Variants in GSK3B observed in about 807,000 individuals in gnomAD.
The protein encoded by GSK3B is glycogen synthase kinase-3 beta.
GSK3B carries 15 observed loss-of-function variants against 56.4 expected under a neutral mutation model. That is an observed-to-expected ratio of 0.27 (90% CI 0.18 to 0.41). The LOEUF is 0.41. Ranked by LOEUF, GSK3B falls within the 10% of genes least tolerant of loss-of-function variation. The probability of loss-of-function intolerance (pLI) is 1.00; values close to 1 mark genes in which losing one functional copy is unlikely to be tolerated. For synonymous variants in GSK3B, 181 were observed against 188.9 expected, an observed-to-expected ratio of 0.96 and a Z score of 0.34; for missense variants, 300 against 513.4, an observed-to-expected ratio of 0.58 and a Z score of 4.02.
At chr3:119,984,622 A>G (rs1677446667) in intron 2 of GSK3B, among the ~76,000 whole-genome samples, 1 of 152,170 alleles carries the variant, frequency 6.6e-6, no homozygotes, top group Non-Finnish European at 1.5e-5. Context: ...AAGAAGAAAC[A>G]GATAAATTCC....
chr3:119,958,829 G>T (rs1006595727), intron 2 of GSK3B, among the ~76,000 whole-genome samples: 1 of 151,188 alleles, frequency 6.6e-6, no homozygotes, highest in Non-Finnish European at 1.5e-5. Context: ...AGAGTGTTAA[G>T]TTGGAGCTTA....
chr3:120,064,561 T>G (rs565197974), intron 1 of GSK3B, among the ~76,000 whole-genome samples: 1 of 152,290 alleles, frequency 6.6e-6, no homozygotes, highest in Admixed American at 6.5e-5. Flanking sequence ...TAGGAAGACA[T>G]AATACTGTCA....
At chr3:119,887,782 T>C (rs1306827990) in intron 7 of GSK3B, among the ~76,000 whole-genome samples, 1 of 151,960 alleles carries the variant, frequency 6.6e-6, no homozygotes, top group African/African-American at 2.4e-5. Context: ...TGAGGACAAA[T>C]ACAAAGAATA....
chr3:120,073,690 A>G (rs2058345974), intron 1 of GSK3B, among the ~76,000 whole-genome samples: 1 of 152,224 alleles, frequency 6.6e-6, no homozygotes, highest in Non-Finnish European at 1.5e-5. Flanking sequence ...TCCAAATTAT[A>G]AAGGCCATAC....
At chr3:119,929,671 G>C (rs1200032365) in intron 3 of GSK3B, among the ~76,000 whole-genome samples, 1 of 152,090 alleles carries the variant, frequency 6.6e-6, no homozygotes, top group Non-Finnish European at 1.5e-5. Context: ...GGCAGGCCGA[G>C]GTGGGCGGAT....
At chr3:119,866,355 C>T (rs2056182637) in intron 8 of GSK3B, among the ~76,000 whole-genome samples, 1 of 152,062 alleles carries the variant, frequency 6.6e-6, no homozygotes, top group Non-Finnish European at 1.5e-5. Flanking sequence ...TTTTAAAACC[C>T]CACAATTCCT....
chr3:119,999,603 CCT>C (rs1576259711), intron 2 of GSK3B, among the ~76,000 whole-genome samples: 1 of 151,940 alleles, frequency 6.6e-6, no homozygotes, highest in Non-Finnish European at 1.5e-5. Flanking sequence ...AAATGGAGAC[CCT>C]GTCATAAAAA....
intron 1 of GSK3B, among the ~76,000 whole-genome samples, chr3:120,042,549 C>CT (rs1488605057): frequency 1.3e-5 from 2 of 152,216 alleles, no homozygotes; most frequent in Non-Finnish European, 2.9e-5. Context: ...AGAGATGCCT[C>CT]TAACGGGTTG....
intron 3 of GSK3B, among the ~76,000 whole-genome samples, chr3:119,941,843 A>C (rs1218505484): frequency 4.6e-5 from 7 of 152,204 alleles, no homozygotes; most frequent in Non-Finnish European, 1.0e-4. Flanking sequence ...CCAGAGTCAT[A>C]CTACTATCAA....
At chr3:119,926,270 T>C (rs957532245) in intron 3 of GSK3B, among the ~76,000 whole-genome samples, 1 of 152,018 alleles carries the variant, frequency 6.6e-6, no homozygotes, top group Non-Finnish European at 1.5e-5. Context: ...GGTATTGCTC[T>C]GGCTGAAAAC....
chr3:120,004,027 C>T (rs1251256284), intron 1 of GSK3B, among the ~76,000 whole-genome samples: 3 of 152,216 alleles, frequency 2.0e-5, no homozygotes, highest in African/African-American at 7.2e-5. Context: ...CCTGGAGGAG[C>T]GATACACTCC....
intron 3 of GSK3B, among the ~76,000 whole-genome samples, chr3:119,924,421 G>A (rs1184967371): frequency 2.0e-5 from 3 of 152,216 alleles, no homozygotes; most frequent in Admixed American, 6.5e-5. Flanking sequence ...AACTGAAGTG[G>A]AGAATTTCAA....
chr3:120,055,851 C>T (rs777698778), intron 1 of GSK3B, among the ~76,000 whole-genome samples: 24 of 152,034 alleles, frequency 1.6e-4, no homozygotes, highest in Admixed American at 9.8e-4. Context: ...AGAATTTATT[C>T]GGAATTTAAA....
intron 2 of GSK3B, among the ~76,000 whole-genome samples, chr3:119,992,304 T>C (rs1170022769): frequency 6.6e-6 from 1 of 152,002 alleles, no homozygotes; most frequent in Admixed American, 6.5e-5. Context: ...AGTCCAGAAA[T>C]AGAGCCAAGT....
intron 1 of GSK3B, among the ~76,000 whole-genome samples, chr3:120,091,685 A>G (rs1191963418): frequency 6.6e-6 from 1 of 152,192 alleles, no homozygotes. Flanking sequence ...GTATCATCAT[A>G]GCTGAAAATT....
chr3:119,995,861 C>G (rs1378942136), intron 2 of GSK3B, among the ~76,000 whole-genome samples: 2 of 151,874 alleles, frequency 1.3e-5, no homozygotes, highest in African/African-American at 4.8e-5. Flanking sequence ...CCTCAGCCTT[C>G]CAAATAGCTG....
chr3:119,974,273 T>C (rs988898164), intron 2 of GSK3B, among the ~76,000 whole-genome samples: 7 of 152,062 alleles, frequency 4.6e-5, no homozygotes, highest in African/African-American at 1.7e-4. Context: ...ACAACTCAAT[T>C]AAAATTGGAC....
At chr3:119,998,426 A>G (rs1225084655) in intron 2 of GSK3B, among the ~76,000 whole-genome samples, 1 of 152,206 alleles carries the variant, frequency 6.6e-6, no homozygotes, top group Non-Finnish European at 1.5e-5. Flanking sequence ...AAACCTTCAG[A>G]TGAGACTGCA....
In GSK3B at chr3:119,826,846, G is replaced by C; in HGVS notation, c.1205C>G (p.Thr402Ser). 6.2e-7 allele frequency: 1 copy of C among 1,608,086 alleles called. No individual in the cohort carries two copies. The highest frequency in any genetic ancestry group is 1.1e-5 in the South Asian group (1 of 90,770). The change falls in exon 11 of 11, where the codon ACT becomes AGT. Residue 402 changes from threonine to serine, a missense_variant. Physicochemically the swap from Thr to Ser is moderately conservative, Grantham distance 58. Around this residue, in one of 6 missense-constraint regions of GSK3B, gnomAD observed 88 missense variants for 92.7 expected, o/e 0.95. Coordinates refer to ENST00000264235, the MANE Select transcript of GSK3B (RefSeq NM_001146156.2). ...ATTATTGGTCTGTCCACGGTCTCCA[G>C]TATTAGCATCTGCAAGTCAAAAAGT... ...TNATAASDAN[T>S]GDRGQTNNAA... is the part of the protein sequence containing the mutation.
Sources: allele counts gnomAD v4.1 joint callset (sites outside exome capture counted in the v4.1 genomes callset), GRCh38; gene constraint gnomAD v4.1.1; regional missense constraint gnomAD v4.1.1; transcripts MANE v1.5; gene names NCBI Gene and HGNC (gene_info 2026-07-23, HGNC 2026-07-21).